The following TMEM163 variants were observed in gnomAD, a reference collection of about 807,000 sequenced individuals.
The protein encoded by TMEM163 is transmembrane protein 163.
Under a neutral mutation model 29.3 loss-of-function variants are expected in TMEM163, and 17 were observed. The ratio of observed to expected loss-of-function variants is 0.58; its 90% confidence interval spans 0.40 to 0.87. The LOEUF (loss-of-function observed/expected upper bound fraction) is 0.87. Among genes scored for constraint, TMEM163 ranks in the 40% least tolerant of loss-of-function variants. The probability of loss-of-function intolerance (pLI) is 0.00; values close to 1 mark genes in which losing one functional copy is unlikely to be tolerated. For synonymous variants in TMEM163, 157 were observed against 160.6 expected, an observed-to-expected ratio of 0.98 and a Z score of 0.17; for missense variants, 303 against 381.5, an observed-to-expected ratio of 0.79 and a Z score of 1.71.
intron 2 of TMEM163, among the ~76,000 whole-genome samples, chr2:134,561,571 G>T (rs766389786): frequency 3.9e-5 from 6 of 152,110 alleles, no homozygotes; most frequent in Non-Finnish European, 8.8e-5. Flanking sequence ...GGATGGTCTC[G>T]ATCTCCTGAC....
In TMEM163 at chr2:134,460,221, G is replaced by A. The variant is rs371077796; in HGVS notation, c.668-2048C>T. The stretch of plus-strand genomic sequence containing the variant: ...TCTCCCGCAGGAAAGCCCCCGTCAC[G>A]GGCTCAAATCCCACCAGACCCCTCA... On this transcript the variant is annotated intron_variant, in intron 6 of 7. Coordinates refer to ENST00000281924, the MANE Select transcript of TMEM163 (RefSeq NM_030923.5). The surrounding 1 kb of genome is among the most constrained non-coding windows in gnomAD (Gnocchi z 4.3). Among the ~76,000 whole-genome samples the A allele has an allele frequency of 5.5e-4, 84 of 151,968 alleles. No individual in the cohort carries two copies. Among genetic ancestry groups the A allele is most frequent in the Middle Eastern group, 3.4e-3 (1 of 294 alleles).
rs146796371 is a variant in TMEM163, at chr2:134,593,110, C to T, written c.323-41019G>A. On this transcript the variant is annotated intron_variant, in intron 2 of 7. Transcript: ENST00000281924. The stretch of plus-strand genomic sequence containing the variant: ...TTATGTGGTACTGATTAAGATGCTA[C>T]GAGCTCTGAGATGAGAGAAATCCAT... Among the ~76,000 whole-genome samples the T allele has an allele frequency of 5.3e-3, 810 of 152,202 alleles. 4 individuals are homozygous for T. Among genetic ancestry groups the T allele is most frequent in the Non-Finnish European group, 7.5e-3 (510 of 68,016 alleles).
chr2:134,647,286 A>C (rs1311697949), intron 2 of TMEM163, among the ~76,000 whole-genome samples: 1 of 152,244 alleles, frequency 6.6e-6, no homozygotes, highest in Non-Finnish European at 1.5e-5. Context: ...GGGAACATTT[A>C]TGGCAAAAAG....
intron 2 of TMEM163, among the ~76,000 whole-genome samples, chr2:134,653,030 G>A (rs1174715523): frequency 7.5e-6 from 1 of 132,642 alleles, no homozygotes; most frequent in Admixed American, 7.4e-5. Context: ...GTCTCTGCCC[G>A]GTTTTGGTAT....
chr2:134,522,505 C>T (rs1462941323), intron 4 of TMEM163, among the ~76,000 whole-genome samples: 1 of 152,226 alleles, frequency 6.6e-6, no homozygotes, highest in Admixed American at 6.5e-5. Flanking sequence ...CCTGTGGATT[C>T]ATGGACTGGA....
chr2:134,663,083 T>C (rs1448349034), intron 2 of TMEM163, among the ~76,000 whole-genome samples: 4 of 152,206 alleles, frequency 2.6e-5, no homozygotes, highest in African/African-American at 4.8e-5. Flanking sequence ...CCCTCTATCA[T>C]AGGCAACCAT....
Position 134,620,405 on chromosome 2 carries a change from C to T in TMEM163, c.323-68314G>A, listed in dbSNP as rs549013279. ...CCAAGTAGCTGGGATTACAGGCATG[C>T]GCCATGACCCCGGCTAATTTTGTAT... is the stretch of plus-strand genomic sequence containing the variant. On this transcript the variant is annotated intron_variant, in intron 2 of 7. Coordinates refer to ENST00000281924, the MANE Select transcript of TMEM163 (RefSeq NM_030923.5). 2.3e-4 allele frequency among the ~76,000 whole-genome samples: 35 copies of T among 152,174 alleles called. No individual in the cohort carries two copies. In the South Asian group the frequency reaches 3.9e-3, roughly 17 times the overall value.
At chr2:134,536,191 G>C (rs569617050) in intron 4 of TMEM163, among the ~76,000 whole-genome samples, 2 of 151,914 alleles carry the variant, frequency 1.3e-5, no homozygotes, top group African/African-American at 4.8e-5. Context: ...GGAAGCAAAG[G>C]GTACTACATT....
intron 2 of TMEM163, among the ~76,000 whole-genome samples, chr2:134,625,804 G>T (rs1682836152): frequency 6.6e-6 from 1 of 152,192 alleles, no homozygotes; most frequent in Non-Finnish European, 1.5e-5. Context: ...GGCAGACAGG[G>T]TCAACAGCTT....
chr2:134,538,955 G>A (rs113204962), intron 4 of TMEM163, among the ~76,000 whole-genome samples: 5 of 152,054 alleles, frequency 3.3e-5, no homozygotes, highest in African/African-American at 7.3e-5. Context: ...CCATTGAACC[G>A]TACTCTTTAA....
At chr2:134,585,943 T>C (rs1384182070) in intron 2 of TMEM163, among the ~76,000 whole-genome samples, 3 of 152,214 alleles carry the variant, frequency 2.0e-5, no homozygotes, top group Non-Finnish European at 2.9e-5. Context: ...CCTTATAGTA[T>C]ATGTTCCTCC....
chr2:134,648,332 C>CTTCTCTTCTCTTCTT (rs1186146472), intron 2 of TMEM163, among the ~76,000 whole-genome samples: 8 of 151,680 alleles, frequency 5.3e-5, no homozygotes, highest in African/African-American at 1.9e-4. Flanking sequence ...CTTCTCTTCT[C>CTTCTCTTCTCTTCTT]TTCTCTTCTC....
At chr2:134,692,144 T>C (rs149336551) in intron 2 of TMEM163, among the ~76,000 whole-genome samples, 17 of 152,168 alleles carry the variant, frequency 1.1e-4, no homozygotes, top group Non-Finnish European at 1.8e-4. Context: ...AGCCAAGGAA[T>C]GCCAGCAGCC....
chr2:134,660,812 A>C (rs1683730339), intron 2 of TMEM163, among the ~76,000 whole-genome samples: 1 of 152,232 alleles, frequency 6.6e-6, no homozygotes, highest in African/African-American at 2.4e-5. Flanking sequence ...TATATTGCTC[A>C]GTTAAAAGAG....
rs149398091 is a variant in TMEM163, at chr2:134,669,434, T to A, written c.322+43766A>T. ...CTCCAGATGGAAGACACAAATCAGA[T>A]CCCTAGTACAGATTCTCTAACACCC... is the stretch of plus-strand genomic sequence containing the variant. On this transcript the variant is annotated intron_variant, in intron 2 of 7. Coordinates refer to ENST00000281924, the MANE Select transcript of TMEM163 (RefSeq NM_030923.5). 2.5e-3 allele frequency among the ~76,000 whole-genome samples: 379 copies of A among 152,310 alleles called. 1 individual carries two copies. Among genetic ancestry groups the A allele is most frequent in the African/African-American group, 9.0e-3 (373 of 41,570 alleles).
At chr2:134,661,293 A>C (rs1683744837) in intron 2 of TMEM163, among the ~76,000 whole-genome samples, 1 of 152,164 alleles carries the variant, frequency 6.6e-6, no homozygotes, top group African/African-American at 2.4e-5. Context: ...CAGCTACCAC[A>C]ACGGAGCAAA....
At chr2:134,500,721 G>A (rs767857160) in intron 5 of TMEM163, among the ~76,000 whole-genome samples, 1 of 152,028 alleles carries the variant, frequency 6.6e-6, no homozygotes, top group Non-Finnish European at 1.5e-5. Context: ...AGATAAGCCA[G>A]ACACACAAAG....
At chr2:134,590,481 G>A (rs1223128253) in intron 2 of TMEM163, among the ~76,000 whole-genome samples, 1 of 152,110 alleles carries the variant, frequency 6.6e-6, no homozygotes, top group African/African-American at 2.4e-5. Flanking sequence ...TTCTTCTGTG[G>A]TCACCAGAAA....
At chr2:134,477,604 G>A (rs1686947123) in intron 5 of TMEM163, among the ~76,000 whole-genome samples, 3 of 152,208 alleles carry the variant, frequency 2.0e-5, no homozygotes, top group Non-Finnish European at 4.4e-5. Context: ...TTTACAAGAA[G>A]CAAAGAGTAA....
Sources: allele counts gnomAD v4.1 joint callset (sites outside exome capture counted in the v4.1 genomes callset), GRCh38; gene constraint gnomAD v4.1.1; non-coding constraint Gnocchi (gnomAD v3.1); transcripts MANE v1.5; gene names NCBI Gene and HGNC (gene_info 2026-07-23, HGNC 2026-07-21).